The following GNAO1 variants were observed in gnomAD, a reference collection of about 807,000 sequenced individuals.
GNAO1 encodes G protein subunit alpha o1, also known as guanine nucleotide-binding protein G(o) subunit alpha.
For missense variants in GNAO1, 166 were observed against 478.7 expected (o/e 0.35, Z 6.10); for synonymous variants, 164 against 180.7 (o/e 0.91, Z 0.74).
At chr16:56,258,521 A>T (rs1356071922) in intron 2 of GNAO1, among the ~76,000 whole-genome samples, 1 of 152,236 alleles carries the variant, frequency 6.6e-6, no homozygotes, top group East Asian at 1.9e-4. Flanking sequence ...CACCCAGAGC[A>T]GAAAACCCCT....
At chr16:56,247,198 G>A (rs1185976124) in intron 2 of GNAO1, among the ~76,000 whole-genome samples, 1 of 152,222 alleles carries the variant, frequency 6.6e-6, no homozygotes, top group Non-Finnish European at 1.5e-5. Flanking sequence ...CGGCCATCCA[G>A]GCAGAACAGA....
intron 2 of GNAO1, among the ~76,000 whole-genome samples, chr16:56,230,509 G>C (rs750159518): frequency 5.9e-5 from 9 of 152,154 alleles, no homozygotes; most frequent in Non-Finnish European, 8.8e-5. Flanking sequence ...TGGGTGGGGA[G>C]AGACAGAGAG....
At chr16:56,215,405 G>A (rs1225163814) in intron 2 of GNAO1, among the ~76,000 whole-genome samples, 5 of 152,182 alleles carry the variant, frequency 3.3e-5, no homozygotes, top group Non-Finnish European at 5.9e-5. Context: ...AGCTCTGTGC[G>A]GGAGCCAATT....
rs555713669 is a variant in GNAO1 at position 56,210,330 on chromosome 16, G to A, written c.161+17714G>A. ...CATGCACCTACTGGAGAACATCTTG[G>A]TTGCTTCCAAGTTTTGGGAATTATG... On this transcript the variant is annotated intron_variant, in intron 2 of 8. Coordinates refer to ENST00000262493, the MANE Select transcript of GNAO1 (RefSeq NM_020988.3). Among the ~76,000 whole-genome samples the A allele has an allele frequency of 2.6e-5, 4 of 152,292 alleles. No individual in the cohort carries two copies. In the South Asian group the frequency reaches 8.3e-4, roughly 32 times the overall value.
intron 4 of GNAO1, 165 bp downstream of exon 4, chr16:56,328,956 C>T (rs138618533): frequency 6.1e-6 from 4 of 651,646 alleles, no homozygotes; most frequent in Non-Finnish European, 1.0e-5. Flanking sequence ...TGAGAAGGGG[C>T]CTCTCTTCCT....
intron 3 of GNAO1, among the ~76,000 whole-genome samples, chr16:56,284,926 C>T (rs1226665257): frequency 2.0e-5 from 3 of 152,210 alleles, no homozygotes; most frequent in Non-Finnish European, 4.4e-5. Context: ...TGCGTGCTTC[C>T]ATTCATGTGT....
intron 2 of GNAO1, among the ~76,000 whole-genome samples, chr16:56,260,718 G>A (rs2036895927): frequency 5.7e-3 from 1 of 176 alleles, no homozygotes; most frequent in African/African-American, 0.038. Context: ...TTGGGGGCAT[G>A]ACCCGCTATC....
intron 3 of GNAO1, among the ~76,000 whole-genome samples, chr16:56,280,992 T>C (rs2037108848): frequency 6.6e-6 from 1 of 152,172 alleles, no homozygotes; most frequent in Non-Finnish European, 1.5e-5. Flanking sequence ...TGTCCTGTTA[T>C]TTAAAAAATA....
chr16:56,345,493 A>G (rs1460718607), intron 6 of GNAO1: 8 of 985,358 alleles, frequency 8.1e-6, no homozygotes, highest in Non-Finnish European at 9.6e-6. Context: ...ACCCACAGGC[A>G]CAGAGCTCTG....
intron 4 of GNAO1, among the ~76,000 whole-genome samples, chr16:56,333,602 C>T (rs1252537941): frequency 6.6e-6 from 1 of 152,244 alleles, no homozygotes; most frequent in Non-Finnish European, 1.5e-5. Flanking sequence ...GGCATTCTCA[C>T]AAGGATTGTC....
intron 2 of GNAO1, among the ~76,000 whole-genome samples, chr16:56,234,659 G>T (rs1028918770): frequency 1.3e-5 from 2 of 152,174 alleles, no homozygotes; most frequent in African/African-American, 4.8e-5. Flanking sequence ...AATCCAGGGA[G>T]TCTTCTCCGA....
chr16:56,221,007 A>G (rs1342361556), intron 2 of GNAO1, among the ~76,000 whole-genome samples: 2 of 151,942 alleles, frequency 1.3e-5, no homozygotes, highest in African/African-American at 4.8e-5. Context: ...TGGCCTCCCA[A>G]AGTGCTGGGA....
At chr16:56,294,341 T>TAGAAAA (rs1555505146) in intron 3 of GNAO1, among the ~76,000 whole-genome samples, 1,770 of 133,556 alleles carry the variant, frequency 0.013, 24 homozygotes, top group South Asian at 0.048. Context: ...GGCTTTGCTT[T>TAGAAAA]AAAAAAAAAA....
intron 3 of GNAO1, among the ~76,000 whole-genome samples, chr16:56,283,025 G>A (rs1297257116): frequency 6.6e-6 from 1 of 152,198 alleles, no homozygotes; most frequent in East Asian, 1.9e-4. Context: ...TTTTCCATCT[G>A]GTGGGGGTCC....
intron 2 of GNAO1, chr16:56,193,093 C>T: frequency 6.2e-6 from 1 of 162,194 alleles, no homozygotes; most frequent in Non-Finnish European, 1.4e-5. Context: ...TTGAACTTGG[C>T]TAACATGGAG....
intron 2 of GNAO1, among the ~76,000 whole-genome samples, chr16:56,228,600 C>T (rs1392362654): frequency 6.6e-6 from 1 of 152,166 alleles, no homozygotes; most frequent in Non-Finnish European, 1.5e-5. Context: ...TTGAGCTTGC[C>T]GGCCCTGAGC....
At chr16:56,347,741 C>T in intron 6 of GNAO1, 1 of 983,494 alleles carries the variant, frequency 1.0e-6, no homozygotes, top group African/African-American at 1.8e-5. Flanking sequence ...CGAGGCACCA[C>T]TACTGTCCTC....
At chr16:56,325,075 T>A (rs1305363388) in intron 3 of GNAO1, among the ~76,000 whole-genome samples, 2 of 152,208 alleles carry the variant, frequency 1.3e-5, no homozygotes, top group African/African-American at 4.8e-5. Flanking sequence ...TACCTCCCAC[T>A]CACTTCTAGA....
At chr16:56,266,000 T>G (rs1374465974) in intron 2 of GNAO1, among the ~76,000 whole-genome samples, 1 of 152,158 alleles carries the variant, frequency 6.6e-6, no homozygotes, top group East Asian at 1.9e-4. Flanking sequence ...TGTTGCGTTC[T>G]TCCTCACCAA....
Sources: allele counts gnomAD v4.1 joint callset (sites outside exome capture counted in the v4.1 genomes callset), GRCh38; gene constraint gnomAD v4.1.1; transcripts MANE v1.5; gene names NCBI Gene and HGNC (gene_info 2026-07-23, HGNC 2026-07-21).